The following MAOA variants were observed in gnomAD, a reference collection of about 807,000 sequenced individuals.
The protein encoded by MAOA is monoamine oxidase A.
A neutral mutation model predicts 42.0 loss-of-function variants in MAOA; 6 were observed. The observed-to-expected ratio is 0.14, with a 90% CI of 0.08 to 0.28. The LOEUF is 0.28. MAOA is among the 10% of genes least tolerant of loss of function. The probability of loss-of-function intolerance (pLI) is 1.00; values close to 1 mark genes in which losing one functional copy is unlikely to be tolerated. For missense variants in MAOA, 262 were observed against 422.3 expected, an observed-to-expected ratio of 0.62 and a Z score of 3.33; for synonymous variants, 140 against 154.0, an observed-to-expected ratio of 0.91 and a Z score of 0.67.
intron 5 of MAOA, among the ~76,000 whole-genome samples, chrX:43,721,296 C>A (rs1277686428): frequency 9.0e-6 from 1 of 111,377 alleles, no homozygotes; most frequent in Non-Finnish European, 1.9e-5. Context: ...CATGTTTGAG[C>A]AACTGAGTGG....
rs1362563503 is a variant in MAOA, at chrX:43,741,947, C to T, written c.1165-3C>T. On this transcript the variant is annotated splice_polypyrimidine_tract_variant and splice_region_variant and intron_variant, in intron 11 of 14. Coordinates refer to ENST00000338702, the MANE Select transcript of MAOA (RefSeq NM_000240.4). ...TTGTATTTTCTTCCCCACTGAACTGCAGCCAGTGCATTATGAAGAGAAGAA... is the reference window on the plus strand; with the variant it reads ...TTGTATTTTCTTCCCCACTGAACTGTAGCCAGTGCATTATGAAGAGAAGAA... 1 of 1,211,766 alleles carries T rather than the reference C, an allele frequency of 8.3e-7. No homozygotes were observed. Among genetic ancestry groups the T allele is most frequent in the Non-Finnish European group, 1.1e-6 (1 of 895,478 alleles).
rs1286600262 is a variant in MAOA, at chrX:43,719,450, C to T, written c.503+6654C>T. Among the ~76,000 whole-genome samples the T allele has an allele frequency of 3.6e-5, 4 of 110,531 alleles. No homozygotes were observed. The East Asian group carries it at 1.1e-3, about 32-fold the overall frequency. On this transcript the variant is annotated intron_variant, in intron 5 of 14. Coordinates refer to ENST00000338702, the MANE Select transcript of MAOA (RefSeq NM_000240.4). ...GGGTGGTTAGAGGTCCGGGGGATAC[C>T]GGAAGGGTGGATGGTGTAGCAGGAT...
At chrX:43,716,121 A>T (rs1156923028) in intron 5 of MAOA, among the ~76,000 whole-genome samples, 1 of 111,121 alleles carries the variant, frequency 9.0e-6, no homozygotes, top group Non-Finnish European at 1.9e-5. Context: ...AAAGATAGTG[A>T]GGCAGGATGA....
intron 3 of MAOA, among the ~76,000 whole-genome samples, chrX:43,699,855 C>G (rs1311411267): frequency 8.9e-6 from 1 of 111,959 alleles, no homozygotes; most frequent in Non-Finnish European, 1.9e-5. Context: ...GATATAACCC[C>G]TCACTTCTAA....
intron 5 of MAOA, among the ~76,000 whole-genome samples, chrX:43,718,019 T>C (rs2033758235): frequency 9.1e-6 from 1 of 110,214 alleles, no homozygotes; most frequent in South Asian, 4.0e-4. Flanking sequence ...AAGAAGGTGG[T>C]ATCATCCCAA....
intron 1 of MAOA, among the ~76,000 whole-genome samples, chrX:43,667,130 A>C (rs1156276987): frequency 9.0e-6 from 1 of 110,553 alleles, no homozygotes; most frequent in Non-Finnish European, 1.9e-5. Flanking sequence ...CCTAGAACTT[A>C]AAGTATATAT....
At chrX:43,711,998 C>T in intron 4 of MAOA, 22 bp downstream of exon 4, 1 of 1,025,355 alleles carries the variant, frequency 9.8e-7, no homozygotes, top group Non-Finnish European at 1.4e-6. Flanking sequence ...GTTCAGTTTG[C>T]ACATGACCCA....
chrX:43,729,883 A>G (rs1188774384), intron 6 of MAOA, among the ~76,000 whole-genome samples: 2 of 111,498 alleles, frequency 1.8e-5, no homozygotes, highest in African/African-American at 6.5e-5. Context: ...CTGGAGGAGT[A>G]TGATTGAGGA....
chrX:43,726,633 C>T (rs1374224562), intron 5 of MAOA, among the ~76,000 whole-genome samples: 2 of 111,857 alleles, frequency 1.8e-5, no homozygotes, highest in East Asian at 2.8e-4. Flanking sequence ...TCCTTTAGCT[C>T]GGAGTAGTTT....
At chrX:43,708,466 C>T (rs1054998564) in intron 3 of MAOA, among the ~76,000 whole-genome samples, 2 of 110,746 alleles carry the variant, frequency 1.8e-5, no homozygotes, top group Admixed American at 9.7e-5. Context: ...ATCTTCCAGG[C>T]CCCCCTACTG....
Position 43,656,312 on chromosome X carries a change from C to T in MAOA, c.-30C>T, listed in dbSNP as rs1282570475. 3 of 1,184,975 alleles carry T rather than the reference C, an allele frequency of 2.5e-6. No individual in the cohort carries two copies. The African/African-American group carries it at 5.3e-5, about 21-fold the overall frequency. ...ACCCTTTGCCGTCCCCACTCCTGTG[C>T]CTACGACCCAGGAGCGTGTCAGCCA... is the stretch of plus-strand genomic sequence containing the variant. On this transcript the variant is annotated 5_prime_UTR_variant, in exon 1 of 15. Transcript: ENST00000338702.
At chrX:43,674,854 A>G (rs1383766348) in intron 1 of MAOA, among the ~76,000 whole-genome samples, 1 of 109,944 alleles carries the variant, frequency 9.1e-6, no homozygotes. Context: ...GGGTAACCCG[A>G]CCTTTCTCTC....
At chrX:43,741,845 C>T in intron 11 of MAOA, 105 bp from the exon 12 acceptor site, 2 of 1,152,031 alleles carry the variant, frequency 1.7e-6, no homozygotes, top group African/African-American at 3.6e-5. Flanking sequence ...ACAGGATTTT[C>T]TTTATTTTCT....
At chrX:43,655,581 GT>G (rs1486433335), upstream of MAOA, 1 of 110,893 alleles carries the variant, frequency 9.0e-6, no homozygotes, top group Non-Finnish European at 1.9e-5. Flanking sequence ...CATTCCCTGG[GT>G]ATTAGTAACA....
intron 5 of MAOA, among the ~76,000 whole-genome samples, chrX:43,726,535 G>T (rs914501015): frequency 8.9e-6 from 1 of 111,982 alleles, no homozygotes; most frequent in African/African-American, 3.2e-5. Context: ...GGTCATTTAT[G>T]TTCTTCTCTA....
rs1251320101 is a variant in MAOA at position 43,745,868 on chromosome X, G to C, written c.*1355G>C. ...ATTTAAGGGGAATTAACAATTGCCAGGGAAACCAGCCAACCCAAGTTTATT... is the reference window on the plus strand; with the variant it reads ...ATTTAAGGGGAATTAACAATTGCCACGGAAACCAGCCAACCCAAGTTTATT... On this transcript the variant is annotated 3_prime_UTR_variant, in exon 15 of 15. Transcript: ENST00000338702. 9.0e-6 allele frequency: 1 copy of C among 111,570 alleles called. No individual in the cohort carries two copies. The highest frequency in any genetic ancestry group is 1.9e-5 in the Non-Finnish European group (1 of 53,118). 9.2% of individuals were successfully genotyped at this position (111,570 alleles called of 1,213,427 possible).
At chrX:43,680,548 C>T (rs1207502146) in intron 1 of MAOA, among the ~76,000 whole-genome samples, 2 of 110,640 alleles carry the variant, frequency 1.8e-5, no homozygotes, top group East Asian at 2.8e-4. Flanking sequence ...CCTCTCCTCC[C>T]CTCCATCCCC....
intron 1 of MAOA, among the ~76,000 whole-genome samples, chrX:43,674,839 T>A (rs1231663464): frequency 1.4e-4 from 15 of 110,576 alleles, no homozygotes; most frequent in African/African-American, 4.9e-4. Context: ...TGGGCTTCCC[T>A]TTGTGGGTAA....
intron 3 of MAOA, among the ~76,000 whole-genome samples, chrX:43,704,775 A>C (rs1348806744): frequency 2.7e-5 from 3 of 112,058 alleles, no homozygotes; most frequent in African/African-American, 9.7e-5. Context: ...GCAGGATACA[A>C]GATCAATATT....
Sources: allele counts gnomAD v4.1 joint callset (sites outside exome capture counted in the v4.1 genomes callset), GRCh38; gene constraint gnomAD v4.1.1; transcripts MANE v1.5; gene names NCBI Gene and HGNC (gene_info 2026-07-23, HGNC 2026-07-21).